The following NAA11 variants were observed in gnomAD, a reference collection of about 807,000 sequenced individuals.
The protein encoded by NAA11 is N-alpha-acetyltransferase 11.
In NAA11, 15 loss-of-function variants were observed where a neutral mutation model predicts 16.1. The ratio of observed to expected loss-of-function variants is 0.93; its 90% CI spans 0.62 to 1.44. NAA11 has a LOEUF of 1.44. Among genes scored for constraint, NAA11 ranks in the 40% most tolerant of loss-of-function variants. The probability of loss-of-function intolerance (pLI) is 0.00; values close to 1 mark genes in which losing one functional copy is unlikely to be tolerated. For missense variants in NAA11, 298 were observed against 291.3 expected, an observed-to-expected ratio of 1.02 and a Z score of -0.17; for synonymous variants, 122 against 112.4, an observed-to-expected ratio of 1.09 and a Z score of -0.54.
chr4:79,276,615 T>A (rs1481799898), intron 2 of NAA11, among the ~76,000 whole-genome samples: 4 of 152,112 alleles, frequency 2.6e-5, no homozygotes, highest in African/African-American at 4.8e-5. Context: ...CAAGTGGATG[T>A]GTGGTGGTAT....
chr4:79,200,444 A>G, the NAA11 span, among the ~76,000 whole-genome samples: 1 of 151,786 alleles, frequency 6.6e-6, no homozygotes, highest in Non-Finnish European at 1.5e-5. Context: ...TTACATTGGA[A>G]TTAAGAGCAA....
chr4:79,166,270 A>G, the NAA11 span, among the ~76,000 whole-genome samples: 2 of 151,998 alleles, frequency 1.3e-5, no homozygotes, highest in South Asian at 2.1e-4. Flanking sequence ...CTATACACCT[A>G]TGTTCTATTG....
intron 2 of NAA11, among the ~76,000 whole-genome samples, chr4:79,293,186 C>G (rs1051445086): frequency 1.6e-4 from 25 of 152,050 alleles, no homozygotes; most frequent in African/African-American, 6.0e-4. Context: ...AAGTAGACCT[C>G]ATTTAAACCA....
the NAA11 span, among the ~76,000 whole-genome samples, chr4:79,187,007 A>G: frequency 6.6e-6 from 1 of 152,214 alleles, no homozygotes; most frequent in Non-Finnish European, 1.5e-5. Flanking sequence ...GGACTCTCTT[A>G]GGTAAGGTTG....
At chr4:79,219,773 A>G in the NAA11 span, among the ~76,000 whole-genome samples, 1 of 152,196 alleles carries the variant, frequency 6.6e-6, no homozygotes, top group Middle Eastern at 3.2e-3. Flanking sequence ...AGTCACATGT[A>G]TCACAACACT....
In NAA11 at chr4:79,285,415, G is replaced by A. The variant is rs1193847515; in HGVS notation, c.*122+8590C>T. Among the ~76,000 whole-genome samples, 3 of 152,026 alleles carry A rather than the reference G, an allele frequency of 2.0e-5. No homozygotes were observed. In the East Asian group the frequency reaches 5.8e-4, roughly 29 times the overall value. ...TGATTTAGAATGCTGTCTGTTGGAA[G>A]TCTGAAAAACCAAGAGCAACTCTAA... is the stretch of plus-strand genomic sequence containing the variant. On this transcript the variant is annotated intron_variant and NMD_transcript_variant, in intron 2 of 2. Transcript: ENST00000511542.
chr4:79,323,415 G>C (rs939309946), intron 1 of NAA11, among the ~76,000 whole-genome samples: 2 of 152,296 alleles, frequency 1.3e-5, no homozygotes, highest in South Asian at 4.1e-4. Context: ...AGCTGGGCGC[G>C]GTGGCTCACG....
At chr4:79,248,259 T>C (rs1036552521) in intron 2 of NAA11, among the ~76,000 whole-genome samples, 5 of 152,062 alleles carry the variant, frequency 3.3e-5, no homozygotes, top group African/African-American at 1.2e-4. Context: ...CCCACTGACA[T>C]TCACCAGCCC....
chr4:79,296,638 T>G (rs192184805), intron 1 of NAA11, among the ~76,000 whole-genome samples: 2 of 152,306 alleles, frequency 1.3e-5, no homozygotes, highest in African/African-American at 4.8e-5. Flanking sequence ...ATTCCCTTGC[T>G]CAAAAATTGA....
At chr4:79,279,044 T>G (rs1327858029) in intron 2 of NAA11, among the ~76,000 whole-genome samples, 1 of 152,042 alleles carries the variant, frequency 6.6e-6, no homozygotes, top group East Asian at 1.9e-4. Context: ...AGGGCCCTCA[T>G]GACCTAAACA....
chr4:79,317,791 G>C lies in NAA11; in HGVS notation c.*13C>G, dbSNP rs1723970520. On this transcript the variant is annotated splice_region_variant and 3_prime_UTR_variant, in exon 2 of 2. Transcript: ENST00000286794. ...TGGTTGAGACATGAGGACCTGAAAT[G>C]CTGTTGAAAAATGAGAAGAAAACAA... 6.6e-6 allele frequency: 1 copy of C among 152,268 alleles called. No homozygotes were observed. Among genetic ancestry groups the C allele is most frequent in the South Asian group, 2.1e-4 (1 of 4,824 alleles). The allele number at this position is 152,268 out of a possible 1,614,324, so 9.4% of individuals were successfully genotyped here. A position where few individuals can be genotyped will look rare whatever the true frequency, so the allele number is the denominator to read the frequency against.
At chr4:79,236,474 A>AT (rs1051585663) in intron 2 of NAA11, among the ~76,000 whole-genome samples, 2 of 152,060 alleles carry the variant, frequency 1.3e-5, no homozygotes, top group Non-Finnish European at 2.9e-5. Context: ...AAAAAAAAAG[A>AT]TTTTTTCCCC....
At chr4:79,297,170 G>C (rs1723247269) in intron 1 of NAA11, among the ~76,000 whole-genome samples, 1 of 152,208 alleles carries the variant, frequency 6.6e-6, no homozygotes, top group Admixed American at 6.5e-5. Context: ...GAGGGTGTGG[G>C]GAGGAGGCAG....
intron 1 of NAA11, among the ~76,000 whole-genome samples, chr4:79,297,579 G>A (rs1723259850): frequency 1.3e-5 from 2 of 152,348 alleles, no homozygotes; most frequent in South Asian, 4.1e-4. Flanking sequence ...CAATCTCAGA[G>A]CAGGGTTGGG....
At chr4:79,251,854 T>C (rs1311469133) in intron 2 of NAA11, among the ~76,000 whole-genome samples, 1 of 152,214 alleles carries the variant, frequency 6.6e-6, no homozygotes, top group Non-Finnish European at 1.5e-5. Context: ...CCCTATGCTT[T>C]CATTTTAAAA....
chr4:79,212,624 A>G, the NAA11 span, among the ~76,000 whole-genome samples: 1 of 152,146 alleles, frequency 6.6e-6, no homozygotes, highest in Non-Finnish European at 1.5e-5. Context: ...TCAGTTACCC[A>G]TGCTCAACTG....
chr4:79,323,179 G>C (rs1290027936), intron 1 of NAA11, among the ~76,000 whole-genome samples: 1 of 152,102 alleles, frequency 6.6e-6, no homozygotes, highest in Non-Finnish European at 1.5e-5. Flanking sequence ...AGAAGTTGCT[G>C]CCTTTCATAC....
At chr4:79,189,011 T>C in the NAA11 span, among the ~76,000 whole-genome samples, 1 of 151,694 alleles carries the variant, frequency 6.6e-6, no homozygotes, top group East Asian at 1.9e-4. Flanking sequence ...CCGGGCGTGG[T>C]GGCAGGTGCC....
At position 79,324,108 on chromosome 4, in the gene NAA11, C is replaced by T. The variant is rs1417782137; in HGVS notation, c.*12+1068G>A. 3.3e-5 allele frequency among the ~76,000 whole-genome samples: 5 copies of T among 152,114 alleles called. No individual in the cohort carries two copies. The East Asian group carries it at 9.6e-4, about 29-fold the overall frequency. On this transcript the variant is annotated intron_variant, in intron 1 of 1. Transcript: ENST00000286794. The stretch of plus-strand genomic sequence containing the variant: ...TGGCATAAGGAACCCCCTAAGTACC[C>T]ATTTCCCAACCCAACAATTATCATT...
Sources: gnomAD v4.1 joint callset for allele counts (sites outside exome capture counted in the v4.1 genomes callset) on GRCh38, gnomAD v4.1.1 for gene constraint, MANE v1.5 for transcripts, NCBI Gene and HGNC (gene_info 2026-07-23, HGNC 2026-07-21) for gene names.